Variants in PDGFD observed in about 807,000 individuals in gnomAD.
PDGFD encodes the protein platelet derived growth factor D.
PDGFD carries 30 observed loss-of-function variants against 44.7 expected under a neutral mutation model. The ratio of observed to expected loss-of-function variants is 0.67; its 90% CI spans 0.50 to 0.91. The LOEUF (loss-of-function observed/expected upper bound fraction) is 0.91, where lower values mean the gene tolerates loss of function less well. Ranked by LOEUF, PDGFD falls within the 40% of genes least tolerant of loss-of-function variation. PDGFD has a pLI of 0.00. For missense variants in PDGFD, 445 were observed against 457.8 expected (o/e 0.97, Z 0.25); for synonymous variants, 173 against 168.4 (o/e 1.03, Z -0.21).
intron 1 of PDGFD, among the ~76,000 whole-genome samples, chr11:104,159,151 C>G (rs1400404183): frequency 2.2e-5 from 2 of 89,388 alleles, no homozygotes; most frequent in African/African-American, 9.1e-5. Flanking sequence ...CAGACTCCAT[C>G]TCAAAAAAAA....
intron 1 of PDGFD, among the ~76,000 whole-genome samples, chr11:104,075,274 C>T (rs2134424080): frequency 6.6e-6 from 1 of 152,194 alleles, no homozygotes; most frequent in Admixed American, 6.5e-5. Flanking sequence ...AATTTGCAAA[C>T]CTCACTGCCT....
rs560869970 is a variant in PDGFD at position 104,046,965 on chromosome 11, C to T, written c.125-46710G>A. Among the ~76,000 whole-genome samples the T allele has an allele frequency of 2.0e-4, 29 of 146,576 alleles. 2 individuals carry two copies. The highest frequency in any genetic ancestry group is 6.7e-4 in the African/African-American group (27 of 40,364). On this transcript the variant is annotated intron_variant, in intron 1 of 6. Coordinates refer to ENST00000393158, the MANE Select transcript of PDGFD (RefSeq NM_025208.5). ...TCTACATGTTCTCATTGTTCATCTC[C>T]CACTTATGAGTGAGAACATGAGGTG...
intron 1 of PDGFD, among the ~76,000 whole-genome samples, chr11:104,079,388 T>G (rs568379449): frequency 8.1e-4 from 122 of 150,118 alleles, no homozygotes; most frequent in Non-Finnish European, 1.7e-3. Context: ...TCTTTTCTTT[T>G]CTTTCTTTTT....
chr11:104,063,035 C>A lies in PDGFD; in HGVS notation c.125-62780G>T, dbSNP rs150377706. ...AACACTGAAGAGCTTCTCCTCAGAT[C>A]CAGTAAACTAGGGCAATTGCCCCAA... On this transcript the variant is annotated intron_variant, in intron 1 of 6. Transcript: ENST00000393158. Among the ~76,000 whole-genome samples the A allele has an allele frequency of 4.6e-3, 703 of 152,238 alleles. 4 individuals are homozygous for A. The highest frequency in any genetic ancestry group is 0.016 in the African/African-American group (668 of 41,540).
intron 1 of PDGFD, among the ~76,000 whole-genome samples, chr11:104,145,114 T>A (rs1862145019): frequency 6.6e-6 from 1 of 152,218 alleles, no homozygotes; most frequent in Admixed American, 6.6e-5. Flanking sequence ...TTATTTAATC[T>A]CTGAGTACTG....
chr11:104,120,815 C>G (rs1224214768), intron 1 of PDGFD, among the ~76,000 whole-genome samples: 3 of 152,052 alleles, frequency 2.0e-5, no homozygotes, highest in Non-Finnish European at 4.4e-5. Context: ...ACTATCCTGT[C>G]ACAAGGAGCC....
chr11:103,965,579 T>C (rs767524545), intron 3 of PDGFD, among the ~76,000 whole-genome samples: 1 of 152,144 alleles, frequency 6.6e-6, no homozygotes, highest in Admixed American at 6.5e-5. Flanking sequence ...AGAATACAAT[T>C]GATATTCAAA....
At chr11:104,074,183 G>A (rs1860920029) in intron 1 of PDGFD, among the ~76,000 whole-genome samples, 1 of 152,084 alleles carries the variant, frequency 6.6e-6, no homozygotes, top group Non-Finnish European at 1.5e-5. Flanking sequence ...CCAATCCCAG[G>A]CAACCCATCC....
intron 5 of PDGFD, among the ~76,000 whole-genome samples, chr11:103,939,119 G>A (rs1231889506): frequency 6.6e-6 from 1 of 152,040 alleles, no homozygotes; most frequent in East Asian, 1.9e-4. Context: ...GATGGGGATG[G>A]CATTGAATCT....
At chr11:104,045,268 G>C (rs1860422597) in intron 1 of PDGFD, among the ~76,000 whole-genome samples, 1 of 152,062 alleles carries the variant, frequency 6.6e-6, no homozygotes, top group Non-Finnish European at 1.5e-5. Context: ...TCTTTATATA[G>C]GAGATATTAC....
At chr11:103,960,740 G>C (rs931186635) in intron 3 of PDGFD, among the ~76,000 whole-genome samples, 40 of 152,150 alleles carry the variant, frequency 2.6e-4, no homozygotes, top group African/African-American at 9.2e-4. Flanking sequence ...AACTTGTAAA[G>C]AACAGAACTT....
chr11:103,970,325 T>A (rs1476078728), intron 3 of PDGFD, among the ~76,000 whole-genome samples: 2 of 152,100 alleles, frequency 1.3e-5, no homozygotes, highest in Non-Finnish European at 2.9e-5. Flanking sequence ...ACTTCTTTGT[T>A]ATCACTGAAT....
intron 3 of PDGFD, among the ~76,000 whole-genome samples, chr11:103,966,634 C>T (rs1467786180): frequency 6.6e-6 from 1 of 152,100 alleles, no homozygotes; most frequent in African/African-American, 2.4e-5. Context: ...CTTTTGGGAG[C>T]TGTTTTAGCC....
chr11:104,114,325 T>G (rs969047197), intron 1 of PDGFD, among the ~76,000 whole-genome samples: 1 of 151,964 alleles, frequency 6.6e-6, no homozygotes, highest in Non-Finnish European at 1.5e-5. Flanking sequence ...GGATGCCTAC[T>G]TGTTCTAGCA....
Position 103,984,064 on chromosome 11 carries a change from T to C in PDGFD, c.510+12001A>G, listed in dbSNP as rs1014636557. 1.2e-4 allele frequency among the ~76,000 whole-genome samples: 18 copies of C among 151,704 alleles called. 1 individual carries two copies. Among genetic ancestry groups the C allele is most frequent in the African/African-American group, 4.1e-4 (17 of 41,042 alleles). ...ACTCAGCAATCCATTATTGGGTATATACCCAAAGGAATATAAATCATTCTA... is the reference window on the plus strand; with the variant it reads ...ACTCAGCAATCCATTATTGGGTATACACCCAAAGGAATATAAATCATTCTA... On this transcript the variant is annotated intron_variant, in intron 3 of 6. Coordinates refer to ENST00000393158, the MANE Select transcript of PDGFD (RefSeq NM_025208.5).
intron 1 of PDGFD, among the ~76,000 whole-genome samples, chr11:104,106,424 A>G (rs577589056): frequency 6.6e-6 from 1 of 151,850 alleles, no homozygotes; most frequent in African/African-American, 2.4e-5. Flanking sequence ...TTCCAGTGAT[A>G]GCAAAAACTT....
chr11:104,121,047 G>T (rs868383126), intron 1 of PDGFD, among the ~76,000 whole-genome samples: 1 of 151,972 alleles, frequency 6.6e-6, no homozygotes, highest in Admixed American at 6.6e-5. Context: ...AGAAGTAAAT[G>T]ATTTCCTATT....
At chr11:104,075,629 C>A (rs116922192) in intron 1 of PDGFD, among the ~76,000 whole-genome samples, 3,794 of 152,110 alleles carry the variant, frequency 0.025, 89 homozygotes, top group Admixed American at 0.063. Context: ...GTAGTTAGGA[C>A]TACAGGTGTG....
At chr11:104,092,230 G>C (rs1861221735) in intron 1 of PDGFD, among the ~76,000 whole-genome samples, 1 of 152,116 alleles carries the variant, frequency 6.6e-6, no homozygotes, top group African/African-American at 2.4e-5. Flanking sequence ...CTCCCAATTT[G>C]TTCTGTAGCT....
Sources: gnomAD v4.1 joint callset for allele counts (sites outside exome capture counted in the v4.1 genomes callset) on GRCh38, gnomAD v4.1.1 for gene constraint, MANE v1.5 for transcripts, NCBI Gene and HGNC (gene_info 2026-07-23, HGNC 2026-07-21) for gene names.